Variants in PRR5L observed in about 807,000 individuals in gnomAD.
PRR5L encodes the protein proline-rich protein 5-like.
PRR5L carries 21 observed loss-of-function variants against 36.4 expected under a neutral mutation model. That is an observed-to-expected ratio of 0.58 (90% CI 0.41 to 0.83). The LOEUF is 0.83. Among genes scored for constraint, PRR5L ranks in the 40% least tolerant of loss-of-function variants. The pLI, the probability that PRR5L is intolerant of heterozygous loss-of-function variation, is 0.00. For synonymous variants in PRR5L, 188 were observed against 197.0 expected (o/e 0.95, Z 0.38); for missense variants, 381 against 473.3 (o/e 0.80, Z 1.81).
intron 4 of PRR5L, among the ~76,000 whole-genome samples, chr11:36,423,008 G>A (rs1262747857): frequency 6.6e-6 from 1 of 152,132 alleles, no homozygotes; most frequent in Non-Finnish European, 1.5e-5. Flanking sequence ...TGTGTTTGCA[G>A]ATTGCACTTT....
At chr11:36,306,777 A>G (rs1856436861) in intron 1 of PRR5L, among the ~76,000 whole-genome samples, 1 of 152,194 alleles carries the variant, frequency 6.6e-6, no homozygotes, top group Admixed American at 6.5e-5. Flanking sequence ...GTCTGAAAGA[A>G]TACACACAAG....
intron 1 of PRR5L, among the ~76,000 whole-genome samples, chr11:36,348,206 C>T (rs1856886896): frequency 6.6e-6 from 1 of 152,132 alleles, no homozygotes; most frequent in Non-Finnish European, 1.5e-5. Context: ...ACATTTCACC[C>T]CATACTCTTC....
chr11:36,445,859 C>A (rs777362469), intron 6 of PRR5L, among the ~76,000 whole-genome samples: 1 of 152,124 alleles, frequency 6.6e-6, no homozygotes, highest in Non-Finnish European at 1.5e-5. Context: ...TCCTAAATTA[C>A]AGTATTTATA....
intron 1 of PRR5L, among the ~76,000 whole-genome samples, chr11:36,351,287 T>C (rs1362575970): frequency 0.079 from 2,380 of 30,032 alleles, 223 homozygotes; most frequent in African/African-American, 0.24. Flanking sequence ...TATATGTATA[T>C]TTATATATTT....
intron 1 of PRR5L, among the ~76,000 whole-genome samples, chr11:36,337,750 A>G (rs542358864): frequency 1.3e-5 from 2 of 152,146 alleles, no homozygotes; most frequent in Non-Finnish European, 2.9e-5. Flanking sequence ...CTAAACTTCC[A>G]ATGGTTGCCT....
chr11:36,396,372 G>A (rs968913733), intron 1 of PRR5L, among the ~76,000 whole-genome samples: 1 of 152,172 alleles, frequency 6.6e-6, no homozygotes, highest in Non-Finnish European at 1.5e-5. Context: ...AGAGATGTAG[G>A]GTCAGTAAAT....
At chr11:36,401,665 C>G (rs1857800691) in intron 2 of PRR5L, among the ~76,000 whole-genome samples, 1 of 152,116 alleles carries the variant, frequency 6.6e-6, no homozygotes. Context: ...CTCCTGGCCT[C>G]AAGGGATCAC....
At chr11:36,350,259 G>C (rs576871029) in intron 1 of PRR5L, among the ~76,000 whole-genome samples, 11 of 150,584 alleles carry the variant, frequency 7.3e-5, no homozygotes, top group African/African-American at 2.7e-4. Flanking sequence ...TGTGGGATGG[G>C]TGAGTGTGTG....
At chr11:36,374,587 C>T (rs1021375200) in intron 1 of PRR5L, among the ~76,000 whole-genome samples, 17 of 152,088 alleles carry the variant, frequency 1.1e-4, no homozygotes, top group African/African-American at 4.1e-4. Context: ...AATGGATGTT[C>T]CCAAACTGAT....
At chr11:36,441,849 C>T (rs775232148) in intron 6 of PRR5L, among the ~76,000 whole-genome samples, 75 of 152,124 alleles carry the variant, frequency 4.9e-4, no homozygotes, top group Non-Finnish European at 8.7e-4. Flanking sequence ...GTGGAAGCCA[C>T]CAAGGCTTAT....
At chr11:36,365,879 C>T (rs1326692737) in intron 1 of PRR5L, among the ~76,000 whole-genome samples, 3 of 152,192 alleles carry the variant, frequency 2.0e-5, no homozygotes, top group African/African-American at 7.2e-5. Context: ...CAGCCATCCA[C>T]CTGGCTGGCG....
chr11:36,382,868 A>G (rs1857393810), intron 1 of PRR5L, among the ~76,000 whole-genome samples: 1 of 152,212 alleles, frequency 6.6e-6, no homozygotes, highest in South Asian at 2.1e-4. Flanking sequence ...CACTTGGAAG[A>G]TATCTGGGAA....
intron 1 of PRR5L, among the ~76,000 whole-genome samples, chr11:36,324,894 G>T (rs959704910): frequency 6.6e-6 from 1 of 151,988 alleles, no homozygotes; most frequent in African/African-American, 2.4e-5. Context: ...TGACTGTAGG[G>T]TGCCAATTAT....
intron 1 of PRR5L, among the ~76,000 whole-genome samples, chr11:36,298,507 T>C (rs1363142030): frequency 1.3e-5 from 2 of 152,168 alleles, no homozygotes; most frequent in East Asian, 1.9e-4. Flanking sequence ...ACCCCTCACA[T>C]GCGCAGTTCA....
intron 1 of PRR5L, among the ~76,000 whole-genome samples, chr11:36,393,631 T>C (rs1857602516): frequency 6.6e-6 from 1 of 152,230 alleles, no homozygotes; most frequent in Non-Finnish European, 1.5e-5. Flanking sequence ...AGTTTTGTTC[T>C]TTTTGCTCTG....
intron 1 of PRR5L, among the ~76,000 whole-genome samples, chr11:36,315,084 A>G (rs1856541940): frequency 6.6e-6 from 1 of 152,164 alleles, no homozygotes. Context: ...ATGTGTGTAT[A>G]AGGACTATAG....
At chr11:36,315,434 C>A (rs1396531119) in intron 1 of PRR5L, among the ~76,000 whole-genome samples, 9 of 152,176 alleles carry the variant, frequency 5.9e-5, no homozygotes, top group Non-Finnish European at 2.9e-5. Flanking sequence ...AGGCTTTAGT[C>A]AAGACAGAAG....
chr11:36,390,946 T>C (rs1397308851), intron 1 of PRR5L, among the ~76,000 whole-genome samples: 1 of 152,200 alleles, frequency 6.6e-6, no homozygotes, highest in Non-Finnish European at 1.5e-5. Context: ...ATCTAAATCC[T>C]GGTGGTGTGG....
intron 1 of PRR5L, among the ~76,000 whole-genome samples, chr11:36,309,682 G>A (rs1268177332): frequency 1.3e-5 from 2 of 151,656 alleles, no homozygotes; most frequent in Non-Finnish European, 2.9e-5. Context: ...TGATTTCAAA[G>A]TCTCCAAAAA....
Sources: gnomAD v4.1 joint callset for allele counts (sites outside exome capture counted in the v4.1 genomes callset) on GRCh38, gnomAD v4.1.1 for gene constraint, MANE v1.5 for transcripts, NCBI Gene and HGNC (gene_info 2026-07-23, HGNC 2026-07-21) for gene names.